LY75: variants seen among roughly 807,000 people sequenced by gnomAD.
LY75 encodes lymphocyte antigen 75.
Under a neutral mutation model 231.7 loss-of-function variants are expected in LY75, and 185 were observed. The observed-to-expected ratio is 0.80, with a 90% confidence interval of 0.71 to 0.90. The LOEUF (loss-of-function observed/expected upper bound fraction) is 0.90, where lower values mean the gene tolerates loss of function less well. LY75 is among the 40% of genes least tolerant of loss of function. LY75 has a pLI of 0.00. For synonymous variants in LY75, 668 were observed against 689.0 expected, an observed-to-expected ratio of 0.97 and a Z score of 0.48; for missense variants, 1,947 against 2,050.2, an observed-to-expected ratio of 0.95 and a Z score of 0.97.
chr2:159,807,863 A>G, intron 33 of LY75: 2 of 984,994 alleles, frequency 2.0e-6, no homozygotes, highest in Non-Finnish European at 2.4e-6. Flanking sequence ...GTATTAAAAA[A>G]TCCTTCCACA....
In LY75 at chr2:159,827,005, C is replaced by T. The variant is rs984909860; in HGVS notation, c.3958+4665G>A. 2.0e-4 allele frequency among the ~76,000 whole-genome samples: 30 copies of T among 152,112 alleles called. 1 individual carries two copies. Among genetic ancestry groups the T allele is most frequent in the Non-Finnish European group, 2.9e-5 (2 of 68,016 alleles). ...ATGTAAGACCTATGACCATAAAAAT[C>T]CTAGAAGGAAACCTGGGCAATACCA... On this transcript the variant is annotated intron_variant, in intron 28 of 34. Coordinates refer to ENST00000263636, the MANE Select transcript of LY75 (RefSeq NM_002349.4).
chr2:159,890,114 A>G (rs184442079), intron 4 of LY75, 99 bp downstream of exon 4: 14 of 1,472,194 alleles, frequency 9.5e-6, no homozygotes, highest in Middle Eastern at 2.3e-4. Context: ...GAGGTCAGAA[A>G]AGTTACATAC....
chr2:159,834,337 GTC>G, intron 26 of LY75, 126 bp from the exon 27 acceptor site: 2 of 1,256,444 alleles, frequency 1.6e-6, no homozygotes, highest in Admixed American at 5.0e-5. Flanking sequence ...GGTGAAGCCT[GTC>G]TCTGTTTATA....
chr2:159,899,145 G>A (rs1157588976), intron 1 of LY75, 86 bp from the exon 2 acceptor site: 3 of 1,534,044 alleles, frequency 2.0e-6, no homozygotes, highest in Non-Finnish European at 2.6e-6. Context: ...AGCACTACTG[G>A]ACTGTTCCCA....
chr2:159,872,169 A>C (rs2125867581), intron 13 of LY75: 2 of 258,078 alleles, frequency 7.7e-6, no homozygotes, highest in East Asian at 1.4e-4. Context: ...CTGAATTCCC[A>C]AGGCCCTTCC....
In LY75 at chr2:159,881,063, A is replaced by G. The variant is rs1239797768; in HGVS notation, c.1404+20T>C. Reference sequence around the variant, plus strand: ...AGGTAAAACAGGAAGAATATAAAGAAACCACAGGAGGTTTCGTACCTCTCC... The same window carrying G: ...AGGTAAAACAGGAAGAATATAAAGAGACCACAGGAGGTTTCGTACCTCTCC... On this transcript the variant is annotated intron_variant, in intron 8 of 34. Transcript: ENST00000263636. 4 of 1,606,534 alleles carry G rather than the reference A, an allele frequency of 2.5e-6. No individual in the cohort carries two copies. The highest frequency in any genetic ancestry group is 1.7e-6 in the Non-Finnish European group (2 of 1,177,460).
Position 159,819,826 on chromosome 2 carries a change from A to G in LY75, c.4053T>C (p.Gly1351=). Residue 1351 remains glycine, a synonymous_variant, in exon 29 of 35, where the codon GGT becomes GGC. Transcript: ENST00000263636. ...TATCCCAGAAGCCGTCAGTACTTAA[A>G]CCAGCCAAAAACTTCTCATTTTTTA... ...PTIKNEKFLA[G]LSTDGFWDIQ... The G allele has an allele frequency of 6.2e-7, 1 of 1,614,096 alleles. No individual in the cohort carries two copies. The highest frequency in any genetic ancestry group is 2.2e-5 in the East Asian group (1 of 44,862).
chr2:159,881,741 A>G (rs561421438), intron 7 of LY75, among the ~76,000 whole-genome samples: 1 of 152,316 alleles, frequency 6.6e-6, no homozygotes, highest in South Asian at 2.1e-4. Context: ...TAATTACAAA[A>G]GTGAAGTAAT....
intron 8 of LY75, among the ~76,000 whole-genome samples, chr2:159,879,597 A>G (rs1443287917): frequency 2.6e-5 from 4 of 152,176 alleles, no homozygotes; most frequent in Non-Finnish European, 4.4e-5. Flanking sequence ...GATAAATTTC[A>G]TTTTCTTATA....
In LY75 at chr2:159,831,743, A is replaced by T. The variant is rs1418711276; in HGVS notation, c.3885T>A (p.Asn1295Lys). The T allele has an allele frequency of 1.9e-6, 3 of 1,612,616 alleles. No homozygotes were observed. The highest frequency in any genetic ancestry group is 2.5e-6 in the Non-Finnish European group (3 of 1,179,484). Residue 1295 changes from asparagine to lysine, a missense_variant, in exon 28 of 35, where the codon AAT becomes AAA. Transcript: ENST00000263636. ...HILSIRDEKE[N>K]NFVLEQLLYF... ...ACAGCAGTTGCTCAAGAACAAAGTT[A>T]TTCTCCTTTTCATCTCGAATACTCA...
Position 159,834,203 on chromosome 2 carries a change from C to G in LY75, c.3682G>C (p.Glu1228Gln). 1 of 1,613,560 alleles carries G rather than the reference C, an allele frequency of 6.2e-7. No homozygotes were observed. The highest frequency in any genetic ancestry group is 1.3e-5 in the African/African-American group (1 of 74,978). ...CTGTCAACTGGTTTGACCTCTTTTT[C>G]AGTCTCATCTAGAAAAAGAGTTAAT... ...AICYYSGNET[E>Q]KEVKPVDSVK... Residue 1228 changes from glutamate (E) to glutamine (Q), a missense_variant, in exon 27 of 35, where the codon GAA (glutamate) becomes CAA (glutamine). Physicochemically the swap from Glu to Gln is conservative, Grantham distance 29 (BLOSUM62 2). Transcript: ENST00000263636.
At chr2:159,807,284 A>T in intron 33 of LY75, 144 bp from the exon 34 acceptor site, 1 of 1,053,222 alleles carries the variant, frequency 9.5e-7, no homozygotes, top group Middle Eastern at 3.2e-4. Context: ...TGAAAAAAAT[A>T]AAATCAGTTC....
chr2:159,854,877 G>A, intron 17 of LY75, 27 bp downstream of exon 17: 1 of 1,612,782 alleles, frequency 6.2e-7, no homozygotes, highest in Non-Finnish European at 8.5e-7. Flanking sequence ...AAGCAGCTTT[G>A]GTTAAATTTC....
rs370027945 is a variant in LY75 at position 159,851,223 on chromosome 2, G to A, written c.2884-756C>T. Among the ~76,000 whole-genome samples the A allele has an allele frequency of 2.0e-4, 30 of 152,216 alleles. No individual in the cohort carries two copies. In the East Asian group the frequency reaches 4.4e-3, roughly 23 times the overall value. ...TGTCCTAATTTTAAAAAGTTAAAAT[G>A]TACCCCTAGCTTTACTACAGATGCT... On this transcript the variant is annotated intron_variant, in intron 21 of 34. Coordinates refer to ENST00000263636, the MANE Select transcript of LY75 (RefSeq NM_002349.4).
At chr2:159,826,785 G>T (rs1301287022) in intron 28 of LY75, among the ~76,000 whole-genome samples, 1 of 151,998 alleles carries the variant, frequency 6.6e-6, no homozygotes, top group Admixed American at 6.6e-5. Flanking sequence ...CAGAACAGAG[G>T]CCTCAGAAAT....
intron 21 of LY75, 129 bp from the exon 22 acceptor site, chr2:159,850,596 T>A: frequency 8.7e-7 from 1 of 1,146,430 alleles, no homozygotes; most frequent in Non-Finnish European, 1.2e-6. Flanking sequence ...TGCAATGTAG[T>A]ACCATAAGAA....
chr2:159,846,512 T>C (rs1304140606), intron 23 of LY75, among the ~76,000 whole-genome samples: 3 of 152,062 alleles, frequency 2.0e-5, no homozygotes, highest in Admixed American at 6.6e-5. Flanking sequence ...AGTAAGACCC[T>C]GTGTCAGAAA....
At chr2:159,870,845 T>C (rs1249938923) in intron 13 of LY75, among the ~76,000 whole-genome samples, 4 of 152,086 alleles carry the variant, frequency 2.6e-5, no homozygotes, top group Non-Finnish European at 4.4e-5. Context: ...CTCAAAATCT[T>C]ACTTCCTAGA....
chr2:159,890,115 A>C, intron 4 of LY75, 98 bp downstream of exon 4: 1 of 1,474,036 alleles, frequency 6.8e-7, no homozygotes, highest in Non-Finnish European at 9.0e-7. Context: ...AGGTCAGAAA[A>C]GTTACATACA....
Sources: gnomAD v4.1 joint callset for allele counts (sites outside exome capture counted in the v4.1 genomes callset) on GRCh38, gnomAD v4.1.1 for gene constraint, MANE v1.5 for transcripts, NCBI Gene and HGNC (gene_info 2026-07-23, HGNC 2026-07-21) for gene names.